The following CNOT6L variants were observed in gnomAD, a reference collection of about 807,000 sequenced individuals.
CNOT6L encodes CCR4-NOT transcription complex subunit 6 like.
In CNOT6L, 7 loss-of-function variants were observed where a neutral mutation model predicts 64.0. The observed-to-expected ratio is 0.11, with a 90% CI of 0.06 to 0.21. CNOT6L has a LOEUF of 0.21. CNOT6L is among the 10% of genes least tolerant of loss of function. The pLI is 1.00. For synonymous variants in CNOT6L, 193 were observed against 243.4 expected, an observed-to-expected ratio of 0.79 and a Z score of 1.93; for missense variants, 245 against 669.0, an observed-to-expected ratio of 0.37 and a Z score of 6.99.
intron 1 of CNOT6L, among the ~76,000 whole-genome samples, chr4:77,780,807 G>A (rs1022226129): frequency 6.6e-6 from 1 of 152,102 alleles, no homozygotes; most frequent in African/African-American, 2.4e-5. Flanking sequence ...CATAGGAAAC[G>A]TATTTCAAAG....
upstream of CNOT6L, among the ~76,000 whole-genome samples, chr4:77,820,237 G>C (rs908038998): frequency 2.6e-5 from 4 of 152,290 alleles, no homozygotes; most frequent in Non-Finnish European, 5.9e-5. Context: ...AGAACGAGGA[G>C]GGTTGATTGA....
rs1720595898 is a variant in CNOT6L, at chr4:77,715,015, A to G, written c.*5416T>C. The G allele has an allele frequency of 1.3e-5, 2 of 152,326 alleles. No individual in the cohort carries two copies. The highest frequency in any genetic ancestry group is 1.3e-4 in the Admixed American group (2 of 15,246). The allele number at this position is 152,326 out of a possible 1,614,324, so 9.4% of individuals were successfully genotyped here. On this transcript the variant is annotated 3_prime_UTR_variant, in exon 12 of 12. Coordinates refer to ENST00000504123, the MANE Select transcript of CNOT6L (RefSeq NM_144571.3). ...ATAACAATTGATAGCTTGAAAGACA[A>G]TACATCAGTGATTTGAAGTTAATAC...
intron 4 of CNOT6L, among the ~76,000 whole-genome samples, chr4:77,760,860 CTTTTTTTTTTT>C (rs754195745): frequency 0.018 from 529 of 29,974 alleles, 6 homozygotes; most frequent in East Asian, 0.033. Flanking sequence ...CCATGCCTGG[CTTTTTTTTTTT>C]TTTTTTTTTT....
chr4:77,745,257 T>A (rs1724061460), intron 6 of CNOT6L, among the ~76,000 whole-genome samples: 1 of 152,226 alleles, frequency 6.6e-6, no homozygotes, highest in Non-Finnish European at 1.5e-5. Context: ...TACCTCTTAT[T>A]AACAAAATAT....
In CNOT6L at chr4:77,718,230, G is replaced by T. The variant is rs1293977924; in HGVS notation, c.*2201C>A. ...GCTAATTAACATGCGTATATGAAAGGAGGAAAATGTTTTGTTAGTGCATAT... is the reference window on the plus strand; with the variant it reads ...GCTAATTAACATGCGTATATGAAAGTAGGAAAATGTTTTGTTAGTGCATAT... On this transcript the variant is annotated 3_prime_UTR_variant, in exon 12 of 12. Transcript: ENST00000504123. 2 of 152,536 alleles carry T rather than the reference G, an allele frequency of 1.3e-5. No homozygotes were observed. The highest frequency in any genetic ancestry group is 1.3e-4 in the Admixed American group (2 of 15,252). The allele number at this position is 152,536 out of a possible 1,614,324, so 9.4% of individuals were successfully genotyped here. A position where few individuals can be genotyped will look rare whatever the true frequency, so the allele number is the denominator to read the frequency against.
At chr4:77,739,923 T>C in intron 8 of CNOT6L, among the ~76,000 whole-genome samples, 1 of 152,178 alleles carries the variant, frequency 6.6e-6, no homozygotes, top group East Asian at 1.9e-4. Flanking sequence ...ATTTTTCCTC[T>C]CAAAACTGTG....
rs1339669582 is a variant in CNOT6L at position 77,715,241 on chromosome 4, CAA to C, written c.*5188_*5189del. The C allele has an allele frequency of 1.3e-5, 2 of 151,996 alleles. No homozygotes were observed. The highest frequency in any genetic ancestry group is 2.4e-5 in the African/African-American group (1 of 41,398). 9.4% of individuals were successfully genotyped at this position (151,996 alleles called of 1,614,324 possible). ...TGAATGGACCATGCTACCACCATGC[CAA>C]AAGAGTCATATCACTTGGCATTTGT... On this transcript the variant is annotated 3_prime_UTR_variant, in exon 12 of 12. Transcript: ENST00000504123.
intron 11 of CNOT6L, among the ~76,000 whole-genome samples, chr4:77,721,161 T>C (rs1721231129): frequency 1.3e-5 from 2 of 152,238 alleles, no homozygotes; most frequent in Admixed American, 1.3e-4. Flanking sequence ...ATTTGCTACA[T>C]ACATACAAAA....
At chr4:77,773,189 ATT>A in intron 3 of CNOT6L, 23 bp from the exon 4 acceptor site, 6 of 1,288,890 alleles carry the variant, frequency 4.7e-6, no homozygotes, top group African/African-American at 1.5e-5. Context: ...AAAAAAAAAA[ATT>A]AGTTTAATAT....
chr4:77,747,098 A>C (rs1241048552), intron 6 of CNOT6L, among the ~76,000 whole-genome samples: 1 of 152,116 alleles, frequency 6.6e-6, no homozygotes, highest in African/African-American at 2.4e-5. Flanking sequence ...CAAAACTCAC[A>C]AACAAAAGGC....
chr4:77,770,224 T>C (rs901150402), intron 4 of CNOT6L, among the ~76,000 whole-genome samples: 1 of 152,154 alleles, frequency 6.6e-6, no homozygotes, highest in African/African-American at 2.4e-5. Context: ...TTTCAGTATC[T>C]GAGTTTCAAA....
chr4:77,805,567 C>T (rs914608716), intron 1 of CNOT6L, among the ~76,000 whole-genome samples: 1 of 152,200 alleles, frequency 6.6e-6, no homozygotes, highest in Middle Eastern at 3.4e-3. Flanking sequence ...ATAGTTGTTA[C>T]AGAAATCTCA....
chr4:77,801,718 T>C (rs1326082800), intron 1 of CNOT6L, among the ~76,000 whole-genome samples: 1 of 138,968 alleles, frequency 7.2e-6, no homozygotes, highest in Admixed American at 7.1e-5. Context: ...AAACATTTTA[T>C]AAATATTTAT....
chr4:77,759,174 C>T (rs1267937430), intron 4 of CNOT6L, among the ~76,000 whole-genome samples: 1 of 151,892 alleles, frequency 6.6e-6, no homozygotes, highest in Non-Finnish European at 1.5e-5. Flanking sequence ...TAAACTGATA[C>T]AAGATGCACA....
chr4:77,740,584 A>G (rs1394226590), intron 8 of CNOT6L, among the ~76,000 whole-genome samples: 2 of 152,214 alleles, frequency 1.3e-5, no homozygotes, highest in Non-Finnish European at 2.9e-5. Flanking sequence ...TTTAAAAACA[A>G]GGAAATAGCT....
chr4:77,720,364 C>T lies in CNOT6L; in HGVS notation c.*67G>A. The stretch of plus-strand genomic sequence containing the variant: ...TAAGGATGGCCATACTTCACTCCTA[C>T]ATACTTTGATTTACAACTGTACAGG... On this transcript the variant is annotated 3_prime_UTR_variant, in exon 12 of 12. Coordinates refer to ENST00000504123, the MANE Select transcript of CNOT6L (RefSeq NM_144571.3). 3 of 1,465,756 alleles carry T rather than the reference C, an allele frequency of 2.0e-6. No individual in the cohort carries two copies. The highest frequency in any genetic ancestry group is 2.8e-6 in the Non-Finnish European group (3 of 1,058,834). The allele number at this position is 1,465,756 out of a possible 1,614,324, so 90.8% of individuals were successfully genotyped here.
At chr4:77,787,419 T>A (rs1385237472) in intron 1 of CNOT6L, among the ~76,000 whole-genome samples, 2 of 152,236 alleles carry the variant, frequency 1.3e-5, no homozygotes, top group African/African-American at 2.4e-5. Flanking sequence ...GCTATCACAT[T>A]ATTAAAGACA....
Position 77,720,230 on chromosome 4 carries a change from A to T in CNOT6L, c.*201T>A, listed in dbSNP as rs1220866435. 1 of 494,926 alleles carries T rather than the reference A, an allele frequency of 2.0e-6. No homozygotes were observed. Among genetic ancestry groups the T allele is most frequent in the Admixed American group, 3.7e-5 (1 of 26,680 alleles). The allele number at this position is 494,926 out of a possible 1,614,324, so 30.7% of individuals were successfully genotyped here. A position where few individuals can be genotyped will look rare whatever the true frequency, so the allele number is the denominator to read the frequency against. On this transcript the variant is annotated 3_prime_UTR_variant, in exon 12 of 12. Transcript: ENST00000504123. The stretch of plus-strand genomic sequence containing the variant: ...AACATGTTAAATTAAAATTTTGTAA[A>T]GAGAGTAATACTTTGGTTCCAGCCC...
chr4:77,802,566 C>T (rs905400798), intron 1 of CNOT6L, among the ~76,000 whole-genome samples: 1 of 152,146 alleles, frequency 6.6e-6, no homozygotes, highest in Non-Finnish European at 1.5e-5. Flanking sequence ...CTTTCCCCTC[C>T]CTTATCTTCT....
Sources: gnomAD v4.1 joint callset for allele counts (sites outside exome capture counted in the v4.1 genomes callset) on GRCh38, gnomAD v4.1.1 for gene constraint, MANE v1.5 for transcripts, NCBI Gene and HGNC (gene_info 2026-07-23, HGNC 2026-07-21) for gene names.